Variants in RUNDC3B observed in about 807,000 individuals in gnomAD.
RUNDC3B encodes RUN domain containing 3B.
Under a neutral mutation model 58.4 loss-of-function variants are expected in RUNDC3B, and 33 were observed. That is an observed-to-expected ratio of 0.56 (90% CI 0.43 to 0.75). RUNDC3B has a LOEUF of 0.75. Among genes scored for constraint, RUNDC3B ranks in the 30% least tolerant of loss-of-function variants. The probability of loss-of-function intolerance (pLI) is 0.00; values close to 1 mark genes in which losing one functional copy is unlikely to be tolerated. For missense variants in RUNDC3B, 501 were observed against 535.7 expected (o/e 0.94, Z 0.64); for synonymous variants, 193 against 195.2 (o/e 0.99, Z 0.10).
chr7:87,740,879 T>G (rs1832278397), intron 5 of RUNDC3B, among the ~76,000 whole-genome samples: 1 of 152,098 alleles, frequency 6.6e-6, no homozygotes, highest in South Asian at 2.1e-4. Context: ...TTTGTTACAG[T>G]CTTGTTTTGT....
intron 9 of RUNDC3B, among the ~76,000 whole-genome samples, chr7:87,809,045 T>C (rs1164813826): frequency 6.6e-6 from 1 of 152,180 alleles, no homozygotes; most frequent in Non-Finnish European, 1.5e-5. Context: ...CAGAGTTATC[T>C]ATTGAGGAGC....
At chr7:87,778,032 C>T (rs113866908) in intron 8 of RUNDC3B, 77 bp downstream of exon 8, 1 of 1,250,466 alleles carries the variant, frequency 8.0e-7, no homozygotes, top group Non-Finnish European at 1.1e-6. Context: ...ATACAGGAGG[C>T]AAATTCCAAG....
At chr7:87,674,635 G>A (rs747350499) in intron 2 of RUNDC3B, among the ~76,000 whole-genome samples, 2 of 152,066 alleles carry the variant, frequency 1.3e-5, no homozygotes, top group Non-Finnish European at 2.9e-5. Flanking sequence ...GGGTGGGCTA[G>A]CATGTATTGG....
At chr7:87,756,563 G>C (rs1351268193) in intron 6 of RUNDC3B, among the ~76,000 whole-genome samples, 1 of 151,742 alleles carries the variant, frequency 6.6e-6, no homozygotes, top group East Asian at 1.9e-4. Flanking sequence ...GTAAGTTATG[G>C]CTTATTTTAC....
At chr7:87,656,357 C>A (rs965456827) in intron 2 of RUNDC3B, among the ~76,000 whole-genome samples, 2 of 151,734 alleles carry the variant, frequency 1.3e-5, no homozygotes, top group Admixed American at 6.6e-5. Context: ...CTAGACAATA[C>A]GGTATGCATT....
At chr7:87,818,142 TATG>T (rs2130954405) in intron 10 of RUNDC3B, among the ~76,000 whole-genome samples, 1 of 152,330 alleles carries the variant, frequency 6.6e-6, no homozygotes, top group African/African-American at 2.4e-5. Context: ...TGAATTTATT[TATG>T]ATGATTCTTC....
At chr7:87,793,158 A>G (rs1423239679) in intron 8 of RUNDC3B, among the ~76,000 whole-genome samples, 2 of 152,128 alleles carry the variant, frequency 1.3e-5, no homozygotes, top group Non-Finnish European at 2.9e-5. Flanking sequence ...AAGAAATCCA[A>G]AACCTGAACA....
At chr7:87,693,006 G>C (rs1403295975) in intron 2 of RUNDC3B, among the ~76,000 whole-genome samples, 2 of 152,086 alleles carry the variant, frequency 1.3e-5, no homozygotes, top group South Asian at 4.1e-4. Flanking sequence ...CTAGCTCTAT[G>C]TGTTTGTCTT....
intron 3 of RUNDC3B, among the ~76,000 whole-genome samples, chr7:87,702,557 G>A (rs1035468422): frequency 2.6e-5 from 4 of 152,102 alleles, no homozygotes; most frequent in African/African-American, 9.7e-5. Context: ...TGGATTACAG[G>A]CGTTGAGTCA....
At chr7:87,634,633 A>C (rs973049787) in intron 1 of RUNDC3B, among the ~76,000 whole-genome samples, 1 of 152,080 alleles carries the variant, frequency 6.6e-6, no homozygotes, top group South Asian at 2.1e-4. Flanking sequence ...GTCTCAAAAA[A>C]AAAAGAAAAA....
At chr7:87,694,033 A>G in intron 2 of RUNDC3B, 4 of 1,585,444 alleles carry the variant, frequency 2.5e-6, no homozygotes, top group Admixed American at 3.7e-5. Context: ...GGAGGGCTGT[A>G]TCAGTTAAGT....
intron 1 of RUNDC3B, among the ~76,000 whole-genome samples, chr7:87,637,718 G>C (rs551927302): frequency 6.6e-6 from 1 of 152,040 alleles, no homozygotes; most frequent in Admixed American, 6.5e-5. Context: ...TCTTGTGGTT[G>C]TTGGTATATC....
chr7:87,811,830 G>A (rs765770345), intron 9 of RUNDC3B, among the ~76,000 whole-genome samples: 1 of 152,020 alleles, frequency 6.6e-6, no homozygotes, highest in Non-Finnish European at 1.5e-5. Flanking sequence ...TCCTTCTGTT[G>A]ATTTTAATAA....
At chr7:87,727,221 G>T (rs1399025297) in intron 4 of RUNDC3B, among the ~76,000 whole-genome samples, 1 of 152,052 alleles carries the variant, frequency 6.6e-6, no homozygotes, top group Non-Finnish European at 1.5e-5. Flanking sequence ...ATTCGCTGTG[G>T]GTTTGTCATA....
At chr7:87,661,220 AG>A (rs1824676995) in intron 2 of RUNDC3B, among the ~76,000 whole-genome samples, 1 of 152,104 alleles carries the variant, frequency 6.6e-6, no homozygotes, top group East Asian at 1.9e-4. Flanking sequence ...AGCATAAATA[AG>A]GTATCCATCA....
At chr7:87,673,998 C>T (rs1010211480) in intron 2 of RUNDC3B, among the ~76,000 whole-genome samples, 3 of 152,202 alleles carry the variant, frequency 2.0e-5, no homozygotes, top group Non-Finnish European at 2.9e-5. Context: ...CAGCACTCCT[C>T]GGCTGTGTGC....
At chr7:87,722,895 C>G (rs1282344335) in intron 4 of RUNDC3B, among the ~76,000 whole-genome samples, 1 of 152,156 alleles carries the variant, frequency 6.6e-6, no homozygotes, top group Non-Finnish European at 1.5e-5. Flanking sequence ...TCACTGAGTC[C>G]AAGTGCAATT....
intron 9 of RUNDC3B, among the ~76,000 whole-genome samples, chr7:87,813,372 G>A (rs909518668): frequency 6.6e-6 from 1 of 152,114 alleles, no homozygotes; most frequent in South Asian, 2.1e-4. Flanking sequence ...GGGTTGTAGT[G>A]TTGGAGATTA....
At chr7:87,751,035 C>T (rs1332846383) in intron 6 of RUNDC3B, among the ~76,000 whole-genome samples, 5 of 152,136 alleles carry the variant, frequency 3.3e-5, no homozygotes, top group Non-Finnish European at 7.3e-5. Context: ...AGTCTTTAAT[C>T]CCTCTTCAAT....
Sources: allele counts gnomAD v4.1 joint callset (sites outside exome capture counted in the v4.1 genomes callset), GRCh38; gene constraint gnomAD v4.1.1; transcripts MANE v1.5; gene names NCBI Gene and HGNC (gene_info 2026-07-23, HGNC 2026-07-21).